IWS1: variants seen among roughly 807,000 people sequenced by gnomAD.
IWS1 encodes interacts with SUPT6H, CTD assembly factor 1.
IWS1 carries 27 observed loss-of-function variants against 86.7 expected under a neutral mutation model. That is an observed-to-expected ratio of 0.31 (90% CI 0.23 to 0.43). The LOEUF (loss-of-function observed/expected upper bound fraction) is 0.43, where lower values mean the gene tolerates loss of function less well. Among genes scored for constraint, IWS1 ranks in the 20% least tolerant of loss-of-function variants. The pLI is 1.00. For synonymous variants in IWS1, 313 were observed against 335.1 expected, an observed-to-expected ratio of 0.93 and a Z score of 0.72; for missense variants, 827 against 1,000.8, an observed-to-expected ratio of 0.83 and a Z score of 2.34.
chr2:127,501,962 G>C (rs1173571703), intron 5 of IWS1, among the ~76,000 whole-genome samples: 11 of 151,970 alleles, frequency 7.2e-5, no homozygotes, highest in Admixed American at 7.2e-4. Flanking sequence ...TTTGAATCTT[G>C]TTTCTTATCT....
At chr2:127,523,852 A>T (rs1010384440) in intron 1 of IWS1, 61 bp from the exon 2 acceptor site, 2 of 1,092,786 alleles carry the variant, frequency 1.8e-6, no homozygotes, top group African/African-American at 3.1e-5. Flanking sequence ...CTACAGTGAA[A>T]TGAACACACT....
At chr2:127,526,635 C>A (rs1014778464), upstream of IWS1, 2 of 1,333,450 alleles carry the variant, frequency 1.5e-6, no homozygotes, top group African/African-American at 1.5e-5. Context: ...TAGTTAAATA[C>A]CTTCCTCGGG....
At chr2:127,481,279 C>T (rs1266747105) in intron 13 of IWS1, 104 bp from the exon 14 acceptor site, 8 of 1,070,144 alleles carry the variant, frequency 7.5e-6, no homozygotes, top group African/African-American at 1.6e-5. Flanking sequence ...GAGCTTCTAG[C>T]TCTGGAATAA....
chr2:127,498,047 T>A lies in IWS1; in HGVS notation c.1565+93A>T, dbSNP rs1285715978. 3 of 987,152 alleles carry A rather than the reference T, an allele frequency of 3.0e-6. No homozygotes were observed. The East Asian group carries it at 7.2e-5, about 24-fold the overall frequency. The allele number at this position is 987,152 out of a possible 1,614,324, so 61.1% of individuals were successfully genotyped here. On this transcript the variant is annotated intron_variant, in intron 6 of 13. Coordinates refer to ENST00000295321, the MANE Select transcript of IWS1 (RefSeq NM_017969.3). ...GGAATAGACCCACTCCTAAACTTAA[T>A]CAGGAACCAAAATGAAAAACAAAAG...
chr2:127,495,434 T>C (rs1210244703), intron 7 of IWS1, among the ~76,000 whole-genome samples: 2 of 152,212 alleles, frequency 1.3e-5, no homozygotes, highest in Admixed American at 1.3e-4. Context: ...TTGCATATAT[T>C]TCAACAACTG....
In IWS1 at chr2:127,482,061, ACT is replaced by A. The variant is rs3832145; in HGVS notation, c.2329-888_2329-887del. 2.6e-4 allele frequency among the ~76,000 whole-genome samples: 40 copies of A among 152,320 alleles called. 2 individuals are homozygous for A. The East Asian group carries it at 7.7e-3, about 29-fold the overall frequency. On this transcript the variant is annotated intron_variant, in intron 13 of 13. Transcript: ENST00000295321. ...TTAGAAATGCTAGAAAGGTTTGCTG[ACT>A]CTGTTGTAAAACAATTCAGATGTTT...
At chr2:127,522,322 T>C (rs1692144425) in intron 2 of IWS1, among the ~76,000 whole-genome samples, 1 of 152,208 alleles carries the variant, frequency 6.6e-6, no homozygotes, top group Non-Finnish European at 1.5e-5. Flanking sequence ...AAAAGACCTA[T>C]ATGGTCCCTA....
At chr2:127,509,615 G>A (rs951532139) in intron 2 of IWS1, among the ~76,000 whole-genome samples, 4 of 149,202 alleles carry the variant, frequency 2.7e-5, no homozygotes, top group Non-Finnish European at 5.9e-5. Context: ...GGCTGAGGCA[G>A]GAGAATCACT....
chr2:127,490,034 A>G, intron 10 of IWS1, 91 bp from the exon 11 acceptor site: 2 of 744,876 alleles, frequency 2.7e-6, no homozygotes, highest in South Asian at 3.0e-5. Context: ...GGGATATTCT[A>G]GACATTTAGA....
In IWS1 at chr2:127,495,981, G is replaced by C; in HGVS notation, c.1716+17C>G. The C allele has an allele frequency of 6.3e-7, 1 of 1,593,174 alleles. No individual in the cohort carries two copies. The highest frequency in any genetic ancestry group is 8.5e-7 in the Non-Finnish European group (1 of 1,170,542). On this transcript the variant is annotated intron_variant, in intron 7 of 13. Coordinates refer to ENST00000295321, the MANE Select transcript of IWS1 (RefSeq NM_017969.3). Reference sequence around the variant, plus strand: ...GTGGGAGGAAAAAAAGGTGAACCTAGAAGCGACCCAGCTCACCTCAGCAGC... The same window carrying C: ...GTGGGAGGAAAAAAAGGTGAACCTACAAGCGACCCAGCTCACCTCAGCAGC...
intron 12 of IWS1, among the ~76,000 whole-genome samples, chr2:127,488,853 A>G (rs1250630902): frequency 6.6e-6 from 1 of 152,228 alleles, no homozygotes; most frequent in Non-Finnish European, 1.5e-5. Context: ...GCTTTACCAA[A>G]GACCTCCCTT....
chr2:127,507,210 TA>T (rs1691191601), intron 2 of IWS1, among the ~76,000 whole-genome samples: 1 of 152,154 alleles, frequency 6.6e-6, no homozygotes, highest in South Asian at 2.1e-4. Flanking sequence ...AATGTTCTCA[TA>T]AAACCCAAAC....
chr2:127,516,060 G>A (rs1041303155), intron 2 of IWS1, among the ~76,000 whole-genome samples: 1 of 152,098 alleles, frequency 6.6e-6, no homozygotes, highest in Non-Finnish European at 1.5e-5. Context: ...GCCGGCTTGT[G>A]AGACCATGCC....
At chr2:127,484,074 C>G (rs958885826) in intron 13 of IWS1, among the ~76,000 whole-genome samples, 1 of 152,114 alleles carries the variant, frequency 6.6e-6, no homozygotes, top group African/African-American at 2.4e-5. Context: ...GAGGCCGAGG[C>G]GGGCAGATCA....
At position 127,504,734 on chromosome 2, in the gene IWS1, G is replaced by A. The variant is rs34377117; in HGVS notation, c.1169C>T (p.Ala390Val). 2,897 of 1,612,616 alleles carry A rather than the reference G, an allele frequency of 1.8e-3. 48 individuals carry two copies. The African/African-American group carries it at 0.034, about 19-fold the overall frequency. ...DEKEGEEEKV[A>V]KRKAAVLSDS... Reference sequence around the variant, plus strand: ...AGAAAGCACAGCAGCTTTTCTCTTCGCTACTTTCTCCTCCTCACCCTCTTT... The same window carrying A: ...AGAAAGCACAGCAGCTTTTCTCTTCACTACTTTCTCCTCCTCACCCTCTTT... Residue 390 changes from alanine (A) to valine (V), a missense_variant, in exon 3 of 14, where the codon GCG (alanine) becomes GTG (valine). This residue lies in a region of IWS1 where 548 missense variants were observed against 560.2 expected (regional missense o/e 0.98). Transcript: ENST00000295321.
intron 7 of IWS1, 67 bp downstream of exon 7, chr2:127,495,931 A>C: frequency 7.1e-7 from 1 of 1,400,164 alleles, no homozygotes; most frequent in Non-Finnish European, 9.5e-7. Context: ...GTTAAGTATC[A>C]AAAAAAGGGC....
At chr2:127,495,288 A>G (rs1244736281) in intron 7 of IWS1, among the ~76,000 whole-genome samples, 1 of 152,192 alleles carries the variant, frequency 6.6e-6, no homozygotes, top group Non-Finnish European at 1.5e-5. Context: ...ATTAGGAACA[A>G]TTTTCCAGGT....
In IWS1 at chr2:127,486,440, C is replaced by T. The variant is rs1689936049; in HGVS notation, c.2328+113G>A. On this transcript the variant is annotated intron_variant, in intron 13 of 13. Coordinates refer to ENST00000295321, the MANE Select transcript of IWS1 (RefSeq NM_017969.3). ...GCTAGATAAGCGACCAGAAAACAGTCCTCTCTGAATCAGACAAACTTCAAG... is the reference window on the plus strand; with the variant it reads ...GCTAGATAAGCGACCAGAAAACAGTTCTCTCTGAATCAGACAAACTTCAAG... 1.2e-5 allele frequency: 9 copies of T among 738,514 alleles called. No homozygotes were observed. The Admixed American group carries it at 1.3e-4, about 11-fold the overall frequency. 45.7% of individuals were successfully genotyped at this position (738,514 alleles called of 1,614,324 possible).
chr2:127,486,062 A>G (rs2105022380), intron 13 of IWS1: 1 of 154,338 alleles, frequency 6.5e-6, no homozygotes, highest in African/African-American at 2.4e-5. Flanking sequence ...TTGGAGAATA[A>G]AAAGAGATTA....
Sources: gnomAD v4.1 joint callset for allele counts (sites outside exome capture counted in the v4.1 genomes callset) on GRCh38, gnomAD v4.1.1 for gene constraint, gnomAD v4.1.1 regional missense constraint, MANE v1.5 for transcripts, NCBI Gene and HGNC (gene_info 2026-07-23, HGNC 2026-07-21) for gene names.